The following ARRB2 variants were observed in gnomAD, a reference collection of about 807,000 sequenced individuals.
ARRB2 encodes the protein arrestin beta 2.
In ARRB2, 21 loss-of-function variants were observed where a neutral mutation model predicts 53.4. The ratio of observed to expected loss-of-function variants is 0.39; its 90% CI spans 0.28 to 0.57. The LOEUF is 0.57. Among genes scored for constraint, ARRB2 ranks in the 20% least tolerant of loss-of-function variants. The probability of loss-of-function intolerance (pLI) is 0.55; values close to 1 mark genes in which losing one functional copy is unlikely to be tolerated. For missense variants in ARRB2, 369 were observed against 527.5 expected (o/e 0.70, Z 2.94); for synonymous variants, 180 against 212.9 (o/e 0.85, Z 1.34).
At chr17:4,716,101 G>C (rs368334822) in intron 3 of ARRB2, 46 bp from the exon 4 acceptor site, 2 of 1,614,040 alleles carry the variant, frequency 1.2e-6, no homozygotes, top group Non-Finnish European at 1.7e-6. Context: ...CCAGGAAAGC[G>C]GGGAGCGGCC....
rs1915672830 is a variant in ARRB2 at position 4,721,314 on chromosome 17, G to A, written c.*275G>A. ...GTGTTCATACCTAAATTTTCTGGAA[G>A]GGGACAGTGAAAAGAGGAGTGACAG... On this transcript the variant is annotated 3_prime_UTR_variant, in exon 15 of 15. Transcript: ENST00000269260. This position sits in a 1 kb window ranked among gnomAD's most constrained non-coding sequence, Gnocchi z 4.2. The A allele has an allele frequency of 4.3e-6, 2 of 464,322 alleles. No homozygotes were observed. The highest frequency in any genetic ancestry group is 7.6e-6 in the Non-Finnish European group (2 of 262,830). The allele number at this position is 464,322 out of a possible 1,614,324, so 28.8% of individuals were successfully genotyped here.
At chr17:4,720,546 C>A (rs1443251631) in intron 13 of ARRB2, 40 bp from the exon 14 acceptor site, 4 of 1,573,138 alleles carry the variant, frequency 2.5e-6, no homozygotes, top group Non-Finnish European at 2.6e-6. Context: ...ACTGGCCCTT[C>A]CAGCACCCAC....
Position 4,718,640 on chromosome 17 carries a change from C to T in ARRB2, c.735C>T (p.Phe245=). 6.2e-7 allele frequency: 1 copy of T among 1,613,824 alleles called. No individual in the cohort carries two copies. The highest frequency in any genetic ancestry group is 8.5e-7 in the Non-Finnish European group (1 of 1,180,010). The change falls in exon 10 of 15, where the codon TTC becomes TTT. Residue 245 remains phenylalanine (F), a synonymous_variant. Transcript: ENST00000269260. ...SVRQYADICL[F]STAQYKCPVA... is the part of the protein sequence containing the mutation. ...GACAGTACGCCGACATCTGCCTCTT[C>T]AGCACCGCCCAGTACAAGTGTCCTG...
In ARRB2 at chr17:4,716,482, C is replaced by G; in HGVS notation, c.231C>G (p.Arg77=). The change falls in exon 5 of 15, where the codon CGC becomes CGG. Residue 77 remains arginine, a synonymous_variant. Coordinates refer to ENST00000269260, the MANE Select transcript of ARRB2 (RefSeq NM_004313.4). ...EDLDVLGLSF[R]KDLFIATYQA... ...TGGATGTGCTGGGCTTGTCCTTCCG[C>G]AAAGACCTGTTCATCGCCACCTACC... The G allele has an allele frequency of 6.2e-7, 1 of 1,614,204 alleles. No individual in the cohort carries two copies. The highest frequency in any genetic ancestry group is 8.5e-7 in the Non-Finnish European group (1 of 1,180,032).
At chr17:4,718,240 A>G (rs376023777) in intron 8 of ARRB2, 21 bp from the exon 9 acceptor site, 2 of 1,603,736 alleles carry the variant, frequency 1.2e-6, no homozygotes, top group African/African-American at 1.3e-5. Flanking sequence ...TCCAATTCAC[A>G]TGACCCCCTC....
intron 2 of ARRB2, 22 bp from the exon 3 acceptor site, chr17:4,715,951 T>A (rs928949982): frequency 2.4e-5 from 38 of 1,614,032 alleles, no homozygotes. Context: ...CAATCTCCCC[T>A]GTGACCCCTT....
chr17:4,719,181 A>C (rs1437508107), intron 10 of ARRB2, 102 bp from the exon 11 acceptor site: 1 of 1,414,408 alleles, frequency 7.1e-7, no homozygotes, highest in Admixed American at 2.2e-5. Flanking sequence ...TGCCCAAAGA[A>C]ACAAGGGACT....
chr17:4,718,385 G>T (rs772042240), intron 9 of ARRB2, 40 bp downstream of exon 9: 1 of 1,574,300 alleles, frequency 6.4e-7, no homozygotes, highest in Admixed American at 1.8e-5. Flanking sequence ...CGGGGAGGGC[G>T]TTACTGCACA....
intron 1 of ARRB2, among the ~76,000 whole-genome samples, chr17:4,712,468 G>A (rs531721159): frequency 1.6e-4 from 24 of 152,358 alleles, no homozygotes; most frequent in African/African-American, 1.7e-4. Context: ...TGGAAAGATG[G>A]TTAGGTCTTA....
In ARRB2 at chr17:4,717,496, C is replaced by G; in HGVS notation, c.418-189C>G. 2.2e-6 allele frequency: 2 copies of G among 893,566 alleles called. No homozygotes were observed. The highest frequency in any genetic ancestry group is 3.5e-6 in the Non-Finnish European group (2 of 579,660). 55.4% of individuals were successfully genotyped at this position (893,566 alleles called of 1,614,324 possible). On this transcript the variant is annotated intron_variant, in intron 6 of 14. Transcript: ENST00000269260. This position sits in a 1 kb window ranked among gnomAD's most constrained non-coding sequence, Gnocchi z 6.0. ...GCATGGATCTGGGGATGGGGGCTCC[C>G]CTTGCACTACCATGACCAAGCCTCT...
intron 4 of ARRB2, 93 bp downstream of exon 4, chr17:4,716,284 C>G: frequency 1.9e-6 from 3 of 1,607,112 alleles, no homozygotes; most frequent in Non-Finnish European, 2.6e-6. Context: ...GAGATGGAGG[C>G]TGGAGGTGGA....
At chr17:4,719,767 TGTTGGAG>T (rs1461513533) in intron 11 of ARRB2, among the ~76,000 whole-genome samples, 1 of 150,788 alleles carries the variant, frequency 6.6e-6, no homozygotes, top group East Asian at 2.0e-4. Flanking sequence ...CAGCCTGGGG[TGTTGGAG>T]GAATGGGGAG....
chr17:4,713,351 G>T (rs145710537), intron 1 of ARRB2, among the ~76,000 whole-genome samples: 1 of 151,976 alleles, frequency 6.6e-6, no homozygotes, highest in Non-Finnish European at 1.5e-5. Context: ...AAAAATTAGC[G>T]GCCGGGCGTG....
In ARRB2 at chr17:4,715,975, C is replaced by T. The variant is rs755740849; in HGVS notation, c.57C>T (p.Leu19=). Residue 19 remains leucine, a splice_region_variant and synonymous_variant, in exon 3 of 15, where the codon CTC becomes CTT. Transcript: ENST00000269260. ...VFKKSSPNCK[L]TVYLGKRDFV... ...CTGTGACCCCTTGACATCCTCAGCT[C>T]ACCGTGTACTTGGGCAAGCGGGACT... The T allele has an allele frequency of 2.4e-5, 38 of 1,614,082 alleles. No homozygotes were observed. Among genetic ancestry groups the T allele is most frequent in the Middle Eastern group, 1.6e-4 (1 of 6,084 alleles).
rs140202363 is a variant in ARRB2 at position 4,719,392 on chromosome 17, G to A, written c.889G>A (p.Glu297Lys). 3.1e-6 allele frequency: 5 copies of A among 1,614,144 alleles called. No individual in the cohort carries two copies. The South Asian group carries it at 3.3e-5, about 11-fold the overall frequency. Residue 297 changes from glutamate (E) to lysine (K), a missense_variant, in exon 11 of 15, where the codon GAG becomes AAG. Glu to Lys is a moderately conservative substitution (Grantham distance 56). Coordinates refer to ENST00000269260, the MANE Select transcript of ARRB2 (RefSeq NM_004313.4). ...CGCCCTGGATGGGAAACTCAAGCAC[G>A]AGGACACCAACCTGGCTTCCAGCAC... ...GLALDGKLKHEDTNLASSTIV... is the reference protein window; with the variant it reads ...GLALDGKLKHKDTNLASSTIV...
intron 3 of ARRB2, 38 bp downstream of exon 3, chr17:4,716,071 AG>A (rs1914995999): frequency 6.2e-7 from 1 of 1,613,922 alleles, no homozygotes. Context: ...GTTCCCCAAG[AG>A]GGGAAGAAGT....
chr17:4,715,470 A>AACACACAC (rs1164609996), intron 2 of ARRB2: 6 of 203,656 alleles, frequency 2.9e-5, no homozygotes, highest in Non-Finnish European at 4.7e-5. Context: ...CGAGGATCCA[A>AACACACAC]ACACACACAC....
Position 4,717,636 on chromosome 17 carries a change from T to C in ARRB2, c.418-49T>C, listed in dbSNP as rs1366055633. 1.9e-6 allele frequency: 3 copies of C among 1,611,156 alleles called. No homozygotes were observed. In the Admixed American group the frequency reaches 5.0e-5, roughly 27 times the overall value. ...AAGGGGGAGGAAGAAAGGGCAGTGA[T>C]GGTGGCGGGAGCCTCCGGTAAGATG... On this transcript the variant is annotated intron_variant, in intron 6 of 14. Transcript: ENST00000269260. This position sits in a 1 kb window ranked among gnomAD's most constrained non-coding sequence, Gnocchi z 6.0.
Position 4,714,921 on chromosome 17 carries a change from C to A in ARRB2, c.24-92C>A, listed in dbSNP as rs1003182118. Reference sequence around the variant, plus strand: ...CTCAGGCAGGAGGCCTGGGTGAGCACTGCTTCTCAGGCCTGGGAGGGAGAG... The same window carrying A: ...CTCAGGCAGGAGGCCTGGGTGAGCAATGCTTCTCAGGCCTGGGAGGGAGAG... On this transcript the variant is annotated intron_variant, in intron 1 of 14. Coordinates refer to ENST00000269260, the MANE Select transcript of ARRB2 (RefSeq NM_004313.4). The A allele has an allele frequency of 3.6e-6, 5 of 1,389,122 alleles. No individual in the cohort carries two copies. In the African/African-American group the frequency reaches 4.3e-5, roughly 12 times the overall value. 86.0% of individuals were successfully genotyped at this position (1,389,122 alleles called of 1,614,324 possible).
Sources: gnomAD v4.1 joint callset for allele counts (sites outside exome capture counted in the v4.1 genomes callset) on GRCh38, gnomAD v4.1.1 for gene constraint, Gnocchi (gnomAD v3.1) non-coding constraint, MANE v1.5 for transcripts, NCBI Gene and HGNC (gene_info 2026-07-23, HGNC 2026-07-21) for gene names.